The following HHLA2 variants were observed in gnomAD, a reference collection of about 807,000 sequenced individuals.
HHLA2 encodes HERV-H LTR-associating protein 2.
HHLA2 carries 48 observed loss-of-function variants against 45.9 expected under a neutral mutation model. That is an observed-to-expected ratio of 1.05 (90% confidence interval 0.83 to 1.33). The LOEUF (loss-of-function observed/expected upper bound fraction) is 1.33. HHLA2 is among the 40% of genes most tolerant of loss of function. The probability of loss-of-function intolerance (pLI) is 0.00; values close to 1 mark genes in which losing one functional copy is unlikely to be tolerated. For missense variants in HHLA2, 462 were observed against 494.3 expected (o/e 0.93, Z 0.62); for synonymous variants, 161 against 173.9 (o/e 0.93, Z 0.59).
chr3:108,309,947 A>G lies in HHLA2; in HGVS notation c.-191-708A>G, dbSNP rs570294387. On this transcript the variant is annotated intron_variant, in intron 1 of 10. Coordinates refer to ENST00000619531, the Ensembl canonical transcript of HHLA2. ...AAAAAAGTTATGTATTCAACCATTTATGCACATTAGTGGATTATTTATATT... is the reference window on the plus strand; with the variant it reads ...AAAAAAGTTATGTATTCAACCATTTGTGCACATTAGTGGATTATTTATATT... Among the ~76,000 whole-genome samples the G allele has an allele frequency of 7.9e-5, 12 of 152,276 alleles. No individual in the cohort carries two copies. The South Asian group carries it at 2.5e-3, about 32-fold the overall frequency.
intron 3 of HHLA2, among the ~76,000 whole-genome samples, chr3:108,341,199 C>T (rs553982385): frequency 7.8e-4 from 119 of 152,102 alleles, no homozygotes; most frequent in South Asian, 5.2e-3. Context: ...GTAATCCGCC[C>T]GCCTCGGCCT....
intron 3 of HHLA2, among the ~76,000 whole-genome samples, chr3:108,329,756 C>A (rs1017282626): frequency 6.6e-6 from 1 of 152,126 alleles, no homozygotes; most frequent in African/African-American, 2.4e-5. Context: ...TCCCGTATTG[C>A]TATGGAAGAG....
chr3:108,355,427 G>C (rs780647402), intron 6 of HHLA2, 46 bp downstream of exon 5: 1 of 1,551,482 alleles, frequency 6.4e-7, no homozygotes, highest in South Asian at 1.2e-5. Flanking sequence ...TTTCAAAGTT[G>C]GGGGGTAATG....
chr3:108,360,537 G>C (rs1289408790), intron 7 of HHLA2, among the ~76,000 whole-genome samples: 1 of 152,074 alleles, frequency 6.6e-6, no homozygotes, highest in African/African-American at 2.4e-5. Context: ...AGAAAATAAG[G>C]GTTACTTGAA....
At chr3:108,360,726 A>AACTT (rs2081971954) in intron 7 of HHLA2, among the ~76,000 whole-genome samples, 1 of 152,182 alleles carries the variant, frequency 6.6e-6, no homozygotes, top group Admixed American at 6.5e-5. Flanking sequence ...CACAATTTAA[A>AACTT]ACTTAAGAAT....
At chr3:108,350,624 A>C (rs114516014) in intron 3 of HHLA2, among the ~76,000 whole-genome samples, 4,909 of 152,258 alleles carry the variant, frequency 0.032, 129 homozygotes, top group Non-Finnish European at 0.048. Flanking sequence ...CCTCACAACA[A>C]ATATAGAATA....
At chr3:108,375,152 A>G (rs2082249291) in intron 8 of HHLA2, among the ~76,000 whole-genome samples, 1 of 152,022 alleles carries the variant, frequency 6.6e-6, no homozygotes, top group South Asian at 2.1e-4. Context: ...ATGCAGCCAT[A>G]AAAAATGATG....
At chr3:108,307,504 G>C (rs1248392756) in intron 1 of HHLA2, among the ~76,000 whole-genome samples, 5 of 151,906 alleles carry the variant, frequency 3.3e-5, no homozygotes, top group Non-Finnish European at 7.4e-5. Context: ...CCTGGTGGCA[G>C]GTGCCTGTAA....
At chr3:108,374,657 A>C (rs1276934401) in intron 8 of HHLA2, among the ~76,000 whole-genome samples, 182 of 151,282 alleles carry the variant, frequency 1.2e-3, no homozygotes, top group Non-Finnish European at 2.4e-3. Flanking sequence ...ACCCCATCAA[A>C]AAGTGGGCAA....
chr3:108,367,269 G>C (rs777223317), intron 8 of HHLA2, among the ~76,000 whole-genome samples: 1 of 152,140 alleles, frequency 6.6e-6, no homozygotes, highest in Non-Finnish European at 1.5e-5. Flanking sequence ...CAAAAATGCT[G>C]AAAATTTAAA....
chr3:108,324,731 G>A (rs1212691693), intron 2 of HHLA2, among the ~76,000 whole-genome samples: 1 of 152,152 alleles, frequency 6.6e-6, no homozygotes, highest in African/African-American at 2.4e-5. Flanking sequence ...TCATACAGTA[G>A]GAGTTATTTT....
chr3:108,369,250 A>G (rs1019861969), intron 8 of HHLA2, among the ~76,000 whole-genome samples: 2 of 152,192 alleles, frequency 1.3e-5, no homozygotes, highest in African/African-American at 4.8e-5. Flanking sequence ...TTGTAGCACC[A>G]AATGCCCACA....
Position 108,368,535 on chromosome 3 carries a change from C to CAAAAAAAAAA in HHLA2, c.1108+6115_1108+6124dup. 2.3e-3 allele frequency among the ~76,000 whole-genome samples: 15 copies of CAAAAAAAAAA among 6,624 alleles called. 5 individuals are homozygous for CAAAAAAAAAA. The highest frequency in any genetic ancestry group is 0.023 in the East Asian group (2 of 88). 4.3% of individuals were successfully genotyped at this position (6,624 alleles called of 152,430 possible). Reference sequence around the variant, plus strand: ...GAATATTTACCAAGCAAACGAAGAGCAAAAAAAAAAAAAAAAAAAAAAAAA... The same window carrying CAAAAAAAAAA: ...GAATATTTACCAAGCAAACGAAGAGCAAAAAAAAAAAAAAAAAAAAAAAAAAAAAAAAAAA... On this transcript the variant is annotated intron_variant, in intron 8 of 10. Transcript: ENST00000619531.
chr3:108,298,048 G>A (rs1456145133), intron 1 of HHLA2, among the ~76,000 whole-genome samples: 1 of 152,142 alleles, frequency 6.6e-6, no homozygotes, highest in Non-Finnish European at 1.5e-5. Flanking sequence ...ACTTCTGACT[G>A]CAGGCATGCA....
intron 1 of HHLA2, among the ~76,000 whole-genome samples, chr3:108,303,196 T>G (rs114581059): frequency 9.2e-5 from 14 of 152,204 alleles, no homozygotes; most frequent in African/African-American, 3.4e-4. Flanking sequence ...ATGTATCAAC[T>G]CCTTGATTTG....
At chr3:108,311,352 T>C (rs1293497127) in intron 2 of HHLA2, among the ~76,000 whole-genome samples, 1 of 152,232 alleles carries the variant, frequency 6.6e-6, no homozygotes, top group Non-Finnish European at 1.5e-5. Context: ...TGTTATTTAG[T>C]GCACAGTGAA....
Position 108,351,659 on chromosome 3 carries a change from A to T in HHLA2, c.-26-129A>T. The T allele has an allele frequency of 1.2e-5, 7 of 563,674 alleles. No individual in the cohort carries two copies. The South Asian group carries it at 1.8e-4, about 15-fold the overall frequency. The allele number at this position is 563,674 out of a possible 1,614,324, so 34.9% of individuals were successfully genotyped here. ...CCTATTAAGAAATTCCTTCCATGCC[A>T]TTGAACCATCCTTTACAATATTATA... On this transcript the variant is annotated intron_variant, in intron 3 of 10. Coordinates refer to ENST00000619531, the Ensembl canonical transcript of HHLA2.
chr3:108,337,985 T>C (rs1005487648), intron 3 of HHLA2, among the ~76,000 whole-genome samples: 6 of 152,102 alleles, frequency 3.9e-5, no homozygotes, highest in African/African-American at 1.4e-4. Flanking sequence ...ATTATCAGTG[T>C]ATGGCCTCAC....
chr3:108,320,951 A>G (rs923250241), intron 2 of HHLA2, among the ~76,000 whole-genome samples: 1 of 152,134 alleles, frequency 6.6e-6, no homozygotes, highest in African/African-American at 2.4e-5. Context: ...ATAACAGAAC[A>G]CTTTGGCAGA....
Sources: allele counts gnomAD v4.1 joint callset (sites outside exome capture counted in the v4.1 genomes callset), GRCh38; gene constraint gnomAD v4.1.1; transcripts MANE v1.5; gene names NCBI Gene and HGNC (gene_info 2026-07-23, HGNC 2026-07-21).